HIVEP1: variants seen among roughly 807,000 people sequenced by gnomAD.
The protein encoded by HIVEP1 is zinc finger protein 40.
Under a neutral mutation model 180.0 loss-of-function variants are expected in HIVEP1, and 36 were observed. The observed-to-expected ratio is 0.20, with a 90% CI of 0.15 to 0.26. The LOEUF is 0.26. Among genes scored for constraint, HIVEP1 ranks in the 10% least tolerant of loss-of-function variants. The probability of loss-of-function intolerance (pLI) is 1.00; values close to 1 mark genes in which losing one functional copy is unlikely to be tolerated. For missense variants in HIVEP1, 3,143 were observed against 3,268.7 expected (o/e 0.96, Z 0.94); for synonymous variants, 1,239 against 1,239.0 (o/e 1.00, Z 0.00).
chr6:12,095,854 A>T (rs1316513168), intron 3 of HIVEP1, among the ~76,000 whole-genome samples: 1 of 151,980 alleles, frequency 6.6e-6, no homozygotes, highest in African/African-American at 2.4e-5. Context: ...GTATAACTAG[A>T]TAAGATCTGT....
intron 7 of HIVEP1, among the ~76,000 whole-genome samples, chr6:12,140,725 C>T (rs1758975496): frequency 6.6e-6 from 1 of 152,158 alleles, no homozygotes; most frequent in Non-Finnish European, 1.5e-5. Context: ...GACGCATACA[C>T]AAGCTTCAAT....
At position 12,015,591 on chromosome 6, in the gene HIVEP1, GT is replaced by G. The variant is rs769429452; in HGVS notation, c.-33del. 9 of 1,596,966 alleles carry G rather than the reference GT, an allele frequency of 5.6e-6. No individual in the cohort carries two copies. The highest frequency in any genetic ancestry group is 7.7e-6 in the Non-Finnish European group (9 of 1,167,444). On this transcript the variant is annotated 5_prime_UTR_variant, in exon 2 of 9. The change creates a premature stop within an existing upstream ORF in the 5' untranslated region. Transcript: ENST00000379388. ...CTTTTGGTGGCTTGCTTTATCTGCA[GT>G]TTTTAAGAAGAAAAAGAAGGCCCTG... is the stretch of plus-strand genomic sequence containing the variant.
chr6:12,146,238 T>G lies in HIVEP1; in HGVS notation c.6487+10346T>G, dbSNP rs191445214. ...CAGGCGGATCATCTGAGGTCGGGAG[T>G]TCAAGACCAGCCTGACTAACATGGA... On this transcript the variant is annotated intron_variant, in intron 7 of 8. Coordinates refer to ENST00000379388, the MANE Select transcript of HIVEP1 (RefSeq NM_002114.4). Among the ~76,000 whole-genome samples, 206 of 151,320 alleles carry G rather than the reference T, an allele frequency of 1.4e-3. 1 individual carries two copies. The highest frequency in any genetic ancestry group is 2.3e-3 in the Non-Finnish European group (155 of 67,820).
chr6:12,079,711 G>C (rs986096193), intron 2 of HIVEP1, among the ~76,000 whole-genome samples: 1 of 152,198 alleles, frequency 6.6e-6, no homozygotes, highest in Non-Finnish European at 1.5e-5. Flanking sequence ...TTTAATTGGA[G>C]TGGGGTGCAG....
downstream of HIVEP1, among the ~76,000 whole-genome samples, chr6:12,166,677 A>G (rs1306295627): frequency 2.0e-5 from 3 of 152,236 alleles, no homozygotes; most frequent in East Asian, 5.8e-4. Flanking sequence ...CCCAAGGAGC[A>G]GTGTCCACTT....
At chr6:12,157,538 T>C (rs1432959482) in intron 7 of HIVEP1, among the ~76,000 whole-genome samples, 2 of 152,254 alleles carry the variant, frequency 1.3e-5, no homozygotes, top group African/African-American at 2.4e-5. Context: ...CTATAGACTT[T>C]ACTGCAGTTT....
chr6:12,033,044 C>T (rs1425288670), intron 2 of HIVEP1, among the ~76,000 whole-genome samples: 2 of 152,296 alleles, frequency 1.3e-5, no homozygotes, highest in East Asian at 1.9e-4. Flanking sequence ...CTTAACCAAT[C>T]GTTTGTCTTA....
At chr6:12,150,535 A>G (rs1159743918) in intron 7 of HIVEP1, among the ~76,000 whole-genome samples, 1 of 152,244 alleles carries the variant, frequency 6.6e-6, no homozygotes, top group Non-Finnish European at 1.5e-5. Context: ...AATTACTAGC[A>G]AAGCTTTTTT....
Position 12,122,649 on chromosome 6 carries a change from C to T in HIVEP1, c.2854C>T (p.His952Tyr), listed in dbSNP as rs1757752458. 4 of 1,613,992 alleles carry T rather than the reference C, an allele frequency of 2.5e-6. No individual in the cohort carries two copies. Among genetic ancestry groups the T allele is most frequent in the Admixed American group, 3.3e-5 (2 of 59,982 alleles). The change falls in exon 4 of 9, where the codon CAT becomes TAT. Residue 952 changes from histidine to tyrosine, a missense_variant. By Grantham distance (83) the His-to-Tyr change is moderately conservative. Transcript: ENST00000379388. ...CCCACATATAGAAAAAAAGAAGTCT[C>T]ATCAAGGGCGAGGGACAATGTTTGA... ...QGPHIEKKKS[H>Y]QGRGTMFECE...
intron 2 of HIVEP1, among the ~76,000 whole-genome samples, chr6:12,068,778 T>C (rs543062963): frequency 9.1e-4 from 138 of 152,322 alleles, no homozygotes; most frequent in African/African-American, 3.0e-3. Flanking sequence ...CATATGTTCA[T>C]ATATATTATA....
Position 12,122,909 on chromosome 6 carries a change from G to A in HIVEP1, c.3114G>A (p.Gly1038=). The change falls in exon 4 of 9, where the codon GGG becomes GGA. Residue 1038 remains glycine, a synonymous_variant. Transcript: ENST00000379388. ...AAAGGAGGAAAATGAAAAGTGTTGGGGATGATGAAGAACTTCAGCAAAATG... is the reference window on the plus strand; with the variant it reads ...AAAGGAGGAAAATGAAAAGTGTTGGAGATGATGAAGAACTTCAGCAAAATG... ...IRKRRKMKSV[G]DDEELQQNES... is the part of the protein sequence containing the mutation. 1 of 1,613,938 alleles carries A rather than the reference G, an allele frequency of 6.2e-7. No individual in the cohort carries two copies. The highest frequency in any genetic ancestry group is 1.3e-5 in the African/African-American group (1 of 74,962).
At position 12,124,575 on chromosome 6, in the gene HIVEP1, C is replaced by A; in HGVS notation, c.4780C>A (p.His1594Asn). 1.9e-6 allele frequency: 3 copies of A among 1,613,982 alleles called. No individual in the cohort carries two copies. The highest frequency in any genetic ancestry group is 2.5e-6 in the Non-Finnish European group (3 of 1,179,916). ...QVISDPVGTDHCVTSATLPTK... is the reference protein window; with the variant it reads ...QVISDPVGTDNCVTSATLPTK... The stretch of plus-strand genomic sequence containing the variant: ...TATTTCAGATCCAGTTGGAACAGAT[C>A]ATTGTGTGACATCAGCAACATTACC... The change falls in exon 4 of 9, where the codon CAT becomes AAT. Residue 1594 changes from histidine (H) to asparagine (N), a missense_variant. Transcript: ENST00000379388.
At chr6:12,183,200 T>C in the HIVEP1 span, among the ~76,000 whole-genome samples, 4 of 152,214 alleles carry the variant, frequency 2.6e-5, no homozygotes, top group South Asian at 2.1e-4. Flanking sequence ...CAATCCTAGT[T>C]GTAATCCTTT....
At position 12,120,799 on chromosome 6, in the gene HIVEP1, G is replaced by T. The variant is rs1408041886; in HGVS notation, c.1004G>T (p.Gly335Val). The T allele has an allele frequency of 6.2e-7, 1 of 1,614,106 alleles. No homozygotes were observed. Among genetic ancestry groups the T allele is most frequent in the South Asian group, 1.1e-5 (1 of 91,076 alleles). The change falls in exon 4 of 9, where the codon GGC becomes GTC. Residue 335 changes from glycine (G) to valine (V), a missense_variant. Transcript: ENST00000379388. ...VYNIAVTSSV[G>V]LTSPSSRSQV... The stretch of plus-strand genomic sequence containing the variant: ...AATATAGCAGTGACATCATCTGTAG[G>T]CCTAACTTCACCTTCCAGTAGATCT...
chr6:12,177,932 G>A, the HIVEP1 span, among the ~76,000 whole-genome samples: 2 of 152,138 alleles, frequency 1.3e-5, no homozygotes, highest in African/African-American at 4.8e-5. Context: ...AAGTGTTTGC[G>A]TTGGGTTTAT....
chr6:12,193,841 A>G, the HIVEP1 span, among the ~76,000 whole-genome samples: 4 of 152,252 alleles, frequency 2.6e-5, no homozygotes, highest in Non-Finnish European at 5.9e-5. Flanking sequence ...AATACGACAA[A>G]TACTACTTCA....
the HIVEP1 span, among the ~76,000 whole-genome samples, chr6:12,175,796 G>T: frequency 6.6e-6 from 1 of 152,212 alleles, no homozygotes; most frequent in East Asian, 1.9e-4. Flanking sequence ...TGGGCTGTCA[G>T]CTGGCGGAAC....
chr6:12,018,425 C>T (rs1330855726), intron 2 of HIVEP1, among the ~76,000 whole-genome samples: 3 of 152,240 alleles, frequency 2.0e-5, no homozygotes, highest in Non-Finnish European at 4.4e-5. Context: ...GGGCTGACAG[C>T]ACGGTGTCAC....
At chr6:12,168,027 TATATA>T (rs1562024275), downstream of HIVEP1, among the ~76,000 whole-genome samples, 9 of 65,072 alleles carry the variant, frequency 1.4e-4, no homozygotes, top group African/African-American at 6.9e-4. Context: ...TGTATATATG[TATATA>T]TTATATATAC....
Sources: allele counts gnomAD v4.1 joint callset (sites outside exome capture counted in the v4.1 genomes callset), GRCh38; gene constraint gnomAD v4.1.1; transcripts MANE v1.5; gene names NCBI Gene and HGNC (gene_info 2026-07-23, HGNC 2026-07-21).